Variants in FARS2 observed in about 807,000 individuals in gnomAD.
FARS2 encodes the protein phenylalanyl-tRNA synthetase 2, mitochondrial.
FARS2 carries 40 observed loss-of-function variants against 46.4 expected under a neutral mutation model. The ratio of observed to expected loss-of-function variants is 0.86; its 90% CI spans 0.67 to 1.12. FARS2 has a LOEUF of 1.12. Ranked by LOEUF, FARS2 falls within the 50% of genes most tolerant of loss-of-function variation. The pLI, the probability that FARS2 is intolerant of heterozygous loss-of-function variation, is 0.00. For missense variants in FARS2, 513 were observed against 567.9 expected, an observed-to-expected ratio of 0.90 and a Z score of 0.98; for synonymous variants, 234 against 214.9, an observed-to-expected ratio of 1.09 and a Z score of -0.78.
intron 3 of FARS2, 64 bp downstream of exon 3, chr6:5,404,765 A>AT: frequency 2.9e-6 from 2 of 687,800 alleles, no homozygotes; most frequent in Non-Finnish European, 2.1e-6. Context: ...AGTGTTTTGG[A>AT]TTTGGGTTTT....
rs937342474 is a variant in FARS2 at position 5,630,017 on chromosome 6, G to T, written c.1217+16697G>T. ...GACTTTTGGACTTCCTGAGTTTGAG[G>T]CAGGACACAGGGGAATGTTACCCTA... On this transcript the variant is annotated intron_variant, in intron 6 of 6. Coordinates refer to ENST00000274680, the MANE Select transcript of FARS2 (RefSeq NM_006567.5). This position sits in a 1 kb window ranked among gnomAD's most constrained non-coding sequence, Gnocchi z 4.2. Among the ~76,000 whole-genome samples, 1 of 152,146 alleles carries T rather than the reference G, an allele frequency of 6.6e-6. No individual in the cohort carries two copies. Among genetic ancestry groups the T allele is most frequent in the Admixed American group, 6.5e-5 (1 of 15,272 alleles).
intron 5 of FARS2, among the ~76,000 whole-genome samples, chr6:5,577,860 G>A (rs187749125): frequency 6.6e-6 from 1 of 152,134 alleles, no homozygotes; most frequent in Admixed American, 6.5e-5. Context: ...GGAGTACAGT[G>A]GTGCGATCTC....
chr6:5,627,818 C>G (rs1776109020), intron 6 of FARS2, among the ~76,000 whole-genome samples: 1 of 152,216 alleles, frequency 6.6e-6, no homozygotes, highest in Non-Finnish European at 1.5e-5. Context: ...GATATATAGG[C>G]CACAACTTAA....
chr6:5,748,711 G>A lies in FARS2; in HGVS notation c.1218-22580G>A, dbSNP rs1761775944. Among the ~76,000 whole-genome samples the A allele has an allele frequency of 2.0e-5, 3 of 152,234 alleles. No homozygotes were observed. In the South Asian group the frequency reaches 6.2e-4, roughly 32 times the overall value. ...AGCCTGGAGCAGTAACCAAAAATGA[G>A]TTAGTTCAACTATTGCCAGCCAGTT... On this transcript the variant is annotated intron_variant, in intron 6 of 6. Transcript: ENST00000274680.
At chr6:5,573,348 T>C (rs1490162268) in intron 5 of FARS2, among the ~76,000 whole-genome samples, 1 of 152,168 alleles carries the variant, frequency 6.6e-6, no homozygotes, top group Non-Finnish European at 1.5e-5. Flanking sequence ...GGCCAAGAAA[T>C]GGGCCTAAGC....
At chr6:5,563,003 G>C (rs986200359) in intron 5 of FARS2, among the ~76,000 whole-genome samples, 2 of 151,106 alleles carry the variant, frequency 1.3e-5, no homozygotes, top group East Asian at 3.9e-4. Context: ...TTTTGTTTTT[G>C]TGGTTTTAAG....
chr6:5,555,355 T>C (rs10484311), intron 5 of FARS2, among the ~76,000 whole-genome samples: 22,257 of 152,070 alleles, frequency 0.15, 2,123 homozygotes, highest in East Asian at 0.3. Flanking sequence ...GGTGCAACTA[T>C]ACATAGGTGA....
intron 6 of FARS2, among the ~76,000 whole-genome samples, chr6:5,643,099 A>G (rs1776905884): frequency 6.6e-6 from 1 of 152,236 alleles, no homozygotes; most frequent in African/African-American, 2.4e-5. Context: ...AGAAATATTT[A>G]CTTACGATTA....
chr6:5,470,036 C>T lies in FARS2; in HGVS notation c.904+38864C>T, dbSNP rs78132579. Reference sequence around the variant, plus strand: ...AGAGCACTTAGAATAGTTTCTGACACAATAAAACTTCAATGAGTAGTAGAC... The same window carrying T: ...AGAGCACTTAGAATAGTTTCTGACATAATAAAACTTCAATGAGTAGTAGAC... On this transcript the variant is annotated intron_variant, in intron 4 of 6. Coordinates refer to ENST00000274680, the MANE Select transcript of FARS2 (RefSeq NM_006567.5). Among the ~76,000 whole-genome samples the T allele has an allele frequency of 8.5e-3, 1,288 of 152,284 alleles. 11 individuals are homozygous for T. The highest frequency in any genetic ancestry group is 0.03 in the African/African-American group (1,230 of 41,572).
intron 6 of FARS2, among the ~76,000 whole-genome samples, chr6:5,714,693 G>C (rs1446320629): frequency 1.3e-5 from 2 of 152,100 alleles, no homozygotes; most frequent in African/African-American, 4.8e-5. Flanking sequence ...GGGCACTCCT[G>C]AAGGAGCTGA....
chr6:5,441,968 G>A (rs1453357347), intron 4 of FARS2, among the ~76,000 whole-genome samples: 1 of 152,116 alleles, frequency 6.6e-6, no homozygotes, highest in Non-Finnish European at 1.5e-5. Flanking sequence ...TGAGCTTGGT[G>A]GTGCACCTGT....
chr6:5,639,203 C>T (rs1028163849), intron 6 of FARS2, among the ~76,000 whole-genome samples: 7 of 152,264 alleles, frequency 4.6e-5, no homozygotes, highest in Admixed American at 1.3e-4. Context: ...AGTGCTTAAA[C>T]GTACATCCAC....
intron 6 of FARS2, among the ~76,000 whole-genome samples, chr6:5,704,048 G>A (rs1287779792): frequency 2.0e-5 from 3 of 152,182 alleles, no homozygotes; most frequent in African/African-American, 4.8e-5. Context: ...CTACAGCAGT[G>A]GAGATGGGGT....
intron 6 of FARS2, among the ~76,000 whole-genome samples, chr6:5,745,328 G>A (rs1053790652): frequency 6.6e-6 from 1 of 152,222 alleles, no homozygotes; most frequent in Non-Finnish European, 1.5e-5. Flanking sequence ...AGTTGAGGTA[G>A]GCCATCTTAA....
chr6:5,645,938 A>G (rs1299750509), intron 6 of FARS2, among the ~76,000 whole-genome samples: 4 of 152,138 alleles, frequency 2.6e-5, no homozygotes, highest in Non-Finnish European at 4.4e-5. Context: ...AGAGTGAGGC[A>G]TTTTTACATG....
intron 6 of FARS2, among the ~76,000 whole-genome samples, chr6:5,714,349 A>G (rs1759363932): frequency 6.6e-6 from 1 of 152,164 alleles, no homozygotes; most frequent in Admixed American, 6.5e-5. Context: ...GGCATCGCCA[A>G]TGGGAAGGGT....
chr6:5,460,974 G>C (rs1234438344), intron 4 of FARS2, among the ~76,000 whole-genome samples: 1 of 151,958 alleles, frequency 6.6e-6, no homozygotes, highest in Non-Finnish European at 1.5e-5. Flanking sequence ...GGCTGTGTGT[G>C]TGTGTGTGTG....
intron 2 of FARS2, among the ~76,000 whole-genome samples, chr6:5,402,861 G>C (rs1761343244): frequency 1.3e-5 from 2 of 152,118 alleles, no homozygotes; most frequent in Non-Finnish European, 2.9e-5. Context: ...TTCACACTTA[G>C]TGTAACTTAC....
intron 4 of FARS2, among the ~76,000 whole-genome samples, chr6:5,526,269 A>T (rs1769459521): frequency 6.6e-6 from 1 of 152,224 alleles, no homozygotes; most frequent in South Asian, 2.1e-4. Flanking sequence ...TCTTTTAATT[A>T]TGTTTTGGAT....
Sources: allele counts gnomAD v4.1 joint callset (sites outside exome capture counted in the v4.1 genomes callset), GRCh38; gene constraint gnomAD v4.1.1; non-coding constraint Gnocchi (gnomAD v3.1); transcripts MANE v1.5; gene names NCBI Gene and HGNC (gene_info 2026-07-23, HGNC 2026-07-21).